Variants in FAM133B observed in about 807,000 individuals in gnomAD.
FAM133B encodes the protein family with sequence similarity 133 member B, also known as protein FAM133B.
FAM133B carries 25 observed loss-of-function variants against 46.4 expected under a neutral mutation model. The observed-to-expected ratio is 0.54, with a 90% CI of 0.39 to 0.75. FAM133B has a LOEUF of 0.75. Ranked by LOEUF, FAM133B falls within the 30% of genes least tolerant of loss-of-function variation. FAM133B has a pLI of 0.00. For synonymous variants in FAM133B, 75 were observed against 86.0 expected (o/e 0.87, Z 0.71); for missense variants, 205 against 277.6 (o/e 0.74, Z 1.86).
intron 9 of FAM133B, among the ~76,000 whole-genome samples, chr7:92,567,369 A>C (rs1439808576): frequency 6.6e-6 from 1 of 152,234 alleles, no homozygotes; most frequent in South Asian, 2.1e-4. Flanking sequence ...ATACAAAACA[A>C]TATTTATAAA....
intron 9 of FAM133B, among the ~76,000 whole-genome samples, chr7:92,567,853 T>C (rs1266475138): frequency 2.7e-5 from 4 of 149,544 alleles, no homozygotes; most frequent in Admixed American, 2.0e-4. Context: ...AGCCTCTGCC[T>C]TTCCGGTTCA....
At chr7:92,577,076 A>C (rs1794722993) in intron 7 of FAM133B, 27 bp downstream of exon 7, 1 of 1,312,826 alleles carries the variant, frequency 7.6e-7, no homozygotes, top group African/African-American at 1.5e-5. Context: ...CTTTGTATCC[A>C]ATATATTAAT....
chr7:92,572,656 T>A (rs1453093383), intron 8 of FAM133B, among the ~76,000 whole-genome samples: 2 of 151,932 alleles, frequency 1.3e-5, no homozygotes, highest in Non-Finnish European at 2.9e-5. Context: ...GAAGTGGAGG[T>A]TGCAGTGAGC....
At chr7:92,582,410 G>A (rs187824398) in intron 1 of FAM133B, among the ~76,000 whole-genome samples, 120 of 152,088 alleles carry the variant, frequency 7.9e-4, no homozygotes, top group African/African-American at 2.7e-3. Context: ...TGTCTCCCAC[G>A]AAATACTATG....
intron 8 of FAM133B, among the ~76,000 whole-genome samples, chr7:92,571,555 T>C (rs553387275): frequency 9.7e-4 from 147 of 152,304 alleles, no homozygotes; most frequent in African/African-American, 3.3e-3. Flanking sequence ...ACTGTAATAG[T>C]CACCCTTTCT....
chr7:92,575,944 T>C (rs564391165), intron 7 of FAM133B, 123 bp from the exon 8 acceptor site: 271 of 424,316 alleles, frequency 6.4e-4, no homozygotes, highest in African/African-American at 5.0e-3. Context: ...AATCCCAGTA[T>C]ATTATTCCGA....
chr7:92,568,932 C>A (rs1251935667), intron 9 of FAM133B, among the ~76,000 whole-genome samples: 1 of 152,040 alleles, frequency 6.6e-6, no homozygotes, highest in African/African-American at 2.4e-5. Context: ...GACCAAGTGC[C>A]ACTGTTGCAG....
intron 2 of FAM133B, among the ~76,000 whole-genome samples, chr7:92,580,396 T>C (rs552343147): frequency 2.0e-5 from 3 of 152,300 alleles, no homozygotes; most frequent in East Asian, 3.9e-4. Context: ...TGCCCAGCCC[T>C]GGAATCTGGA....
intron 5 of FAM133B, 190 bp downstream of exon 5, chr7:92,577,960 A>G (rs1585309015): frequency 7.5e-6 from 5 of 664,644 alleles, no homozygotes; most frequent in East Asian, 5.5e-5. Flanking sequence ...GTACTACGTT[A>G]TAAGGTGGTT....
chr7:92,578,244 A>G, intron 4 of FAM133B, 62 bp from the exon 5 acceptor site: 1 of 1,597,520 alleles, frequency 6.3e-7, no homozygotes, highest in Admixed American at 1.7e-5. Context: ...TGCATCTATT[A>G]ACAGTAGTAT....
rs367551102 is a variant in FAM133B at position 92,579,410 on chromosome 7, T to C, written c.123-15A>G. On this transcript the variant is annotated splice_polypyrimidine_tract_variant and intron_variant, in intron 2 of 10. Transcript: ENST00000445716. The stretch of plus-strand genomic sequence containing the variant: ...TTACTTCTTCCCTTAAAAAATAGAA[T>C]GTACAAACAAAATTTCAAGCAATTC... The C allele has an allele frequency of 3.7e-5, 58 of 1,569,934 alleles. No individual in the cohort carries two copies. Among genetic ancestry groups the C allele is most frequent in the Non-Finnish European group, 5.0e-5 (58 of 1,155,176 alleles).
At position 92,569,804 on chromosome 7, in the gene FAM133B, G is replaced by C; in HGVS notation, c.609+19C>G. ...TAAGCATTTTAAAATAGAGAAAATG[G>C]ATTTGATCATATACTTACCTCCTCA... On this transcript the variant is annotated intron_variant, in intron 9 of 10. Transcript: ENST00000445716. 1 of 1,234,294 alleles carries C rather than the reference G, an allele frequency of 8.1e-7. No individual in the cohort carries two copies. The allele number at this position is 1,234,294 out of a possible 1,614,324, so 76.5% of individuals were successfully genotyped here. A position where few individuals can be genotyped will look rare whatever the true frequency, so the allele number is the denominator to read the frequency against.
chr7:92,580,161 A>C (rs1166790994), intron 2 of FAM133B, among the ~76,000 whole-genome samples: 1 of 151,132 alleles, frequency 6.6e-6, no homozygotes, highest in Non-Finnish European at 1.5e-5. Context: ...GTAATCTTCA[A>C]CTCCTGGCCT....
chr7:92,566,698 C>G (rs1794360078), intron 9 of FAM133B, among the ~76,000 whole-genome samples: 1 of 152,128 alleles, frequency 6.6e-6, no homozygotes, highest in Admixed American at 6.5e-5. Flanking sequence ...GGTCTGAATC[C>G]TATCTTACTC....
intron 1 of FAM133B, chr7:92,585,428 A>T: frequency 1.1e-6 from 1 of 915,718 alleles, no homozygotes; most frequent in Non-Finnish European, 1.3e-6. Flanking sequence ...TTAGAATTGT[A>T]AAAACTGTTT....
intron 9 of FAM133B, 143 bp from the exon 10 acceptor site, chr7:92,566,204 CCT>C: frequency 1.4e-6 from 1 of 706,114 alleles, no homozygotes; most frequent in Non-Finnish European, 2.4e-6. Flanking sequence ...TAAAATAACT[CCT>C]GTTATATCTC....
intron 1 of FAM133B, among the ~76,000 whole-genome samples, chr7:92,584,299 T>C (rs1386336433): frequency 6.6e-6 from 1 of 152,202 alleles, no homozygotes; most frequent in African/African-American, 2.4e-5. Context: ...TAAGGTGTTA[T>C]ACCTTGTAAT....
chr7:92,583,110 T>C (rs1164371060), intron 1 of FAM133B, among the ~76,000 whole-genome samples: 6 of 152,176 alleles, frequency 3.9e-5, no homozygotes. Context: ...TAAACAAAAC[T>C]GTGGTATATA....
At chr7:92,583,913 G>A (rs1794961813) in intron 1 of FAM133B, among the ~76,000 whole-genome samples, 1 of 151,726 alleles carries the variant, frequency 6.6e-6, no homozygotes, top group Non-Finnish European at 1.5e-5. Context: ...GCTGAGTGTG[G>A]TGGCGGGTGC....
Sources: gnomAD v4.1 joint callset for allele counts (sites outside exome capture counted in the v4.1 genomes callset) on GRCh38, gnomAD v4.1.1 for gene constraint, MANE v1.5 for transcripts, NCBI Gene and HGNC (gene_info 2026-07-23, HGNC 2026-07-21) for gene names.